Variants in ADCK1 observed in about 807,000 individuals in gnomAD.
ADCK1 encodes the protein aarF domain containing kinase 1.
Under a neutral mutation model 52.3 loss-of-function variants are expected in ADCK1, and 41 were observed. That is an observed-to-expected ratio of 0.78 (90% CI 0.61 to 1.02). The LOEUF is 1.02. Among genes scored for constraint, ADCK1 ranks in the 50% least tolerant of loss-of-function variants. ADCK1 has a pLI of 0.00. For missense variants in ADCK1, 658 were observed against 679.5 expected, an observed-to-expected ratio of 0.97 and a Z score of 0.35; for synonymous variants, 250 against 274.6, an observed-to-expected ratio of 0.91 and a Z score of 0.89.
At chr14:77,852,688 TA>T (rs2082323064) in intron 3 of ADCK1, among the ~76,000 whole-genome samples, 2 of 115,806 alleles carry the variant, frequency 1.7e-5, no homozygotes, top group African/African-American at 8.2e-5. Context: ...TATATATATA[TA>T]TATATATATA....
At chr14:77,804,513 G>A (rs1490433076) in intron 1 of ADCK1, among the ~76,000 whole-genome samples, 1 of 152,082 alleles carries the variant, frequency 6.6e-6, no homozygotes, top group South Asian at 2.1e-4. Context: ...ACCCAGAGGT[G>A]GTCTCAAGGG....
chr14:77,869,261 G>T (rs2082725773), intron 4 of ADCK1, among the ~76,000 whole-genome samples: 1 of 152,178 alleles, frequency 6.6e-6, no homozygotes, highest in African/African-American at 2.4e-5. Flanking sequence ...GGTATCAGCA[G>T]GGTGGGTTCC....
intron 9 of ADCK1, among the ~76,000 whole-genome samples, chr14:77,926,254 C>A (rs1050356081): frequency 4.6e-5 from 7 of 152,204 alleles, no homozygotes; most frequent in Non-Finnish European, 1.0e-4. Flanking sequence ...AGCTTTAGCT[C>A]TGACCTGCTC....
At chr14:77,837,257 CT>C (rs1385626106) in intron 3 of ADCK1, among the ~76,000 whole-genome samples, 1 of 151,740 alleles carries the variant, frequency 6.6e-6, no homozygotes, top group Non-Finnish European at 1.5e-5. Flanking sequence ...CTGCCTCAGC[CT>C]CCCAAGTAGT....
chr14:77,931,719 T>C lies in ADCK1; in HGVS notation c.1400+8T>C. The C allele has an allele frequency of 6.3e-7, 1 of 1,598,580 alleles. No homozygotes were observed. The highest frequency in any genetic ancestry group is 8.5e-7 in the Non-Finnish European group (1 of 1,177,644). On this transcript the variant is annotated splice_region_variant and intron_variant, in intron 10 of 10. Transcript: ENST00000238561. ...CATCAGAGCGCTAGCTGAGTGAGTG[T>C]GGGCTCCTCCCTCTCCTCCCCTCCT...
chr14:77,887,439 A>G lies in ADCK1; in HGVS notation c.582+190A>G, dbSNP rs147546862. Among the ~76,000 whole-genome samples, 204 of 152,200 alleles carry G rather than the reference A, an allele frequency of 1.3e-3. 2 individuals carry two copies. Among genetic ancestry groups the G allele is most frequent in the African/African-American group, 4.7e-3 (196 of 41,538 alleles). ...CCTGACCATGAAACCCTGTGGCAGC[A>G]TGGGTTAGTTCTTGATTTGTCCCTG... is the stretch of plus-strand genomic sequence containing the variant. On this transcript the variant is annotated intron_variant, in intron 5 of 10. Transcript: ENST00000238561.
intron 10 of ADCK1, 146 bp downstream of exon 10, chr14:77,931,857 G>A: frequency 1.1e-6 from 1 of 913,088 alleles, no homozygotes; most frequent in Non-Finnish European, 1.6e-6. Flanking sequence ...CAAAGTTAAA[G>A]TTTGAAATGT....
At chr14:77,840,465 C>A (rs1023836047) in intron 3 of ADCK1, among the ~76,000 whole-genome samples, 4 of 152,116 alleles carry the variant, frequency 2.6e-5, no homozygotes, top group Admixed American at 2.6e-4. Flanking sequence ...TCTCTTCTGC[C>A]TTTCTCTGCC....
At chr14:77,868,881 C>G (rs572689511) in intron 4 of ADCK1, among the ~76,000 whole-genome samples, 1 of 152,274 alleles carries the variant, frequency 6.6e-6, no homozygotes, top group South Asian at 2.1e-4. Flanking sequence ...CCTCCAAAGC[C>G]AAGCAGGCAG....
rs1464989218 is a variant in ADCK1, at chr14:77,852,901, ATATATATTTTTTTTTTTTTT to A, written c.220-6173_220-6154del. Among the ~76,000 whole-genome samples the A allele has an allele frequency of 1.6e-4, 5 of 32,154 alleles. 1 individual carries two copies. The highest frequency in any genetic ancestry group is 1.5e-3 in the Admixed American group (4 of 2,712). 21.1% of individuals were successfully genotyped at this position (32,154 alleles called of 152,430 possible). ...TATGTGTGTATATATATATATATAT[ATATATATTTTTTTTTTTTTT>A]TTTTTTTTTTAGAGACAGGGTCTTG... On this transcript the variant is annotated intron_variant, in intron 3 of 10. Coordinates refer to ENST00000238561, the MANE Select transcript of ADCK1 (RefSeq NM_020421.4).
intron 1 of ADCK1, among the ~76,000 whole-genome samples, chr14:77,805,695 G>A (rs1478380192): frequency 6.6e-6 from 1 of 152,138 alleles, no homozygotes; most frequent in African/African-American, 2.4e-5. Context: ...AGAGGCCAGT[G>A]CGTTTGGAGT....
intron 3 of ADCK1, among the ~76,000 whole-genome samples, chr14:77,834,715 A>G (rs1199054952): frequency 6.6e-6 from 1 of 152,102 alleles, no homozygotes; most frequent in Non-Finnish European, 1.5e-5. Flanking sequence ...TCCCTCACCT[A>G]TGTGGGCTGC....
chr14:77,809,764 G>A (rs142629962), intron 1 of ADCK1, among the ~76,000 whole-genome samples: 3,174 of 151,912 alleles, frequency 0.021, 104 homozygotes, highest in African/African-American at 0.07. Context: ...GCTGGGTGTG[G>A]TGGTTCAGGC....
intron 1 of ADCK1, among the ~76,000 whole-genome samples, chr14:77,817,579 G>T (rs150180588): frequency 8.4e-4 from 128 of 152,314 alleles, no homozygotes; most frequent in African/African-American, 3.0e-3. Flanking sequence ...GGTGGGGAAA[G>T]GTCACATTGA....
intron 3 of ADCK1, among the ~76,000 whole-genome samples, chr14:77,852,040 C>T (rs1435702478): frequency 6.6e-6 from 1 of 151,772 alleles, no homozygotes; most frequent in Admixed American, 6.6e-5. Context: ...GCTCTGTTGC[C>T]CAGGCTGGAG....
chr14:77,831,438 A>G (rs17825834), intron 3 of ADCK1, among the ~76,000 whole-genome samples: 5,531 of 152,100 alleles, frequency 0.036, 144 homozygotes, highest in Non-Finnish European at 0.054. Context: ...TGCTATAAGA[A>G]CCATTTGTTT....
At chr14:77,879,652 A>C (rs2082977854) in intron 4 of ADCK1, among the ~76,000 whole-genome samples, 2 of 152,332 alleles carry the variant, frequency 1.3e-5, no homozygotes, top group South Asian at 4.1e-4. Flanking sequence ...GAGAAGTGAC[A>C]TGATCAGCTT....
chr14:77,857,414 C>G (rs1285792079), intron 3 of ADCK1, among the ~76,000 whole-genome samples: 1 of 152,094 alleles, frequency 6.6e-6, no homozygotes, highest in Non-Finnish European at 1.5e-5. Flanking sequence ...CACCTGAGTA[C>G]AATACAGTTT....
At chr14:77,917,683 T>C (rs4899681) in intron 7 of ADCK1, among the ~76,000 whole-genome samples, 44,117 of 152,188 alleles carry the variant, frequency 0.29, 6,693 homozygotes, top group Admixed American at 0.43. Flanking sequence ...AAGGCACATT[T>C]TTTTTATGTG....
Sources: allele counts gnomAD v4.1 joint callset (sites outside exome capture counted in the v4.1 genomes callset), GRCh38; gene constraint gnomAD v4.1.1; transcripts MANE v1.5; gene names NCBI Gene and HGNC (gene_info 2026-07-23, HGNC 2026-07-21).